Variants in DSCAML1 observed in about 807,000 individuals in gnomAD.
The protein encoded by DSCAML1 is cell adhesion molecule DSCAML1.
Under a neutral mutation model 200.5 loss-of-function variants are expected in DSCAML1, and 38 were observed. The ratio of observed to expected loss-of-function variants is 0.19; its 90% confidence interval spans 0.15 to 0.25. The LOEUF is 0.25. Among genes scored for constraint, DSCAML1 ranks in the 10% least tolerant of loss-of-function variants. The pLI, the probability that DSCAML1 is intolerant of heterozygous loss-of-function variation, is 1.00. For missense variants in DSCAML1, 2,223 were observed against 2,858.8 expected, an observed-to-expected ratio of 0.78 and a Z score of 5.07; for synonymous variants, 1,215 against 1,165.0, an observed-to-expected ratio of 1.04 and a Z score of -0.87.
intron 3 of DSCAML1, among the ~76,000 whole-genome samples, chr11:117,725,818 C>G (rs1303021523): frequency 6.7e-6 from 1 of 150,254 alleles, no homozygotes; most frequent in Non-Finnish European, 1.5e-5. Flanking sequence ...CAAAACAAAA[C>G]AAAACAAAAC....
chr11:117,632,688 A>G (rs2052199793), intron 3 of DSCAML1, among the ~76,000 whole-genome samples: 1 of 152,214 alleles, frequency 6.6e-6, no homozygotes, highest in Admixed American at 6.5e-5. Context: ...AGGGGAATGA[A>G]TGCAAGAATT....
chr11:117,652,423 T>C (rs933210892), intron 3 of DSCAML1, among the ~76,000 whole-genome samples: 3 of 152,196 alleles, frequency 2.0e-5, no homozygotes, highest in Non-Finnish European at 4.4e-5. Context: ...CACCACGCCA[T>C]GCCCTTGAAT....
At chr11:117,478,440 T>C (rs1447722000) in intron 14 of DSCAML1, among the ~76,000 whole-genome samples, 1 of 152,162 alleles carries the variant, frequency 6.6e-6, no homozygotes, top group Non-Finnish European at 1.5e-5. Flanking sequence ...CAGTCAGCCC[T>C]TTTGTCCCCT....
At chr11:117,718,668 A>AAC (rs1491277934) in intron 3 of DSCAML1, among the ~76,000 whole-genome samples, 31 of 25,836 alleles carry the variant, frequency 1.2e-3, no homozygotes, top group Non-Finnish European at 1.4e-3. Context: ...AATACTCAAA[A>AAC]CCCCCCCCCC....
Position 117,521,141 on chromosome 11 carries a change from A to G in DSCAML1, c.1202T>C (p.Ile401Thr). ...KAQTAQDFAI[I>T]ALEDGTPRIV... ...GCGCCCCAGCTCACCCTCAAGTGCA[A>G]TGATGGCAAAGTCCTGGGCGGTCTG... The change falls in exon 6 of 33, where the codon ATT (isoleucine) becomes ACT (threonine). Residue 401 changes from isoleucine to threonine, a missense_variant. Physicochemically the swap from Ile to Thr is moderately conservative, Grantham distance 89 (BLOSUM62 -1). Around this residue, in one of 7 missense-constraint regions of DSCAML1, gnomAD observed 579 missense variants for 721.5 expected, o/e 0.80. Transcript: ENST00000651296. The G allele has an allele frequency of 6.2e-7, 1 of 1,612,384 alleles. No homozygotes were observed. Among genetic ancestry groups the G allele is most frequent in the South Asian group, 1.1e-5 (1 of 91,054 alleles).
At chr11:117,808,089 C>T (rs527362343) in intron 1 of DSCAML1, among the ~76,000 whole-genome samples, 183 of 152,242 alleles carry the variant, frequency 1.2e-3, no homozygotes, top group African/African-American at 3.1e-3. Flanking sequence ...CAAAGTGGTG[C>T]GATTACAGGC....
At chr11:117,528,454 C>T (rs1353258852) in intron 4 of DSCAML1, among the ~76,000 whole-genome samples, 1 of 152,198 alleles carries the variant, frequency 6.6e-6, no homozygotes, top group East Asian at 1.9e-4. Flanking sequence ...GGACTGGGTG[C>T]TCCTAGCACT....
At chr11:117,607,993 C>T (rs1282571051) in intron 3 of DSCAML1, among the ~76,000 whole-genome samples, 2 of 152,212 alleles carry the variant, frequency 1.3e-5, no homozygotes, top group Non-Finnish European at 1.5e-5. Flanking sequence ...CTTGAGACCT[C>T]CTCTCTCCAC....
chr11:117,635,096 G>A (rs2052251363), intron 3 of DSCAML1, among the ~76,000 whole-genome samples: 1 of 152,238 alleles, frequency 6.6e-6, no homozygotes, highest in Admixed American at 6.5e-5. Flanking sequence ...AAAGATGGAT[G>A]CGCAGCCCCT....
intron 3 of DSCAML1, among the ~76,000 whole-genome samples, chr11:117,641,159 G>A (rs1394368291): frequency 6.6e-6 from 1 of 152,232 alleles, no homozygotes; most frequent in African/African-American, 2.4e-5. Context: ...AGCCAAGTAC[G>A]CTGGGTCTGA....
At chr11:117,633,406 T>G (rs551978859) in intron 3 of DSCAML1, among the ~76,000 whole-genome samples, 1 of 152,298 alleles carries the variant, frequency 6.6e-6, no homozygotes, top group South Asian at 2.1e-4. Flanking sequence ...CAGCCTTTGC[T>G]CCCTGTCAAC....
rs181278191 is a variant in DSCAML1 at position 117,456,399 on chromosome 11, A to T, written c.3568+2355T>A. ...CAACAAAAAGCTTCCTAACAGACAC[A>T]AGTAGTTTGATGGAAAGGATAAAGT... is the stretch of plus-strand genomic sequence containing the variant. On this transcript the variant is annotated intron_variant, in intron 19 of 32. Transcript: ENST00000651296. Among the ~76,000 whole-genome samples the T allele has an allele frequency of 2.3e-4, 35 of 152,320 alleles. No homozygotes were observed. In the East Asian group the frequency reaches 6.7e-3, roughly 29 times the overall value.
chr11:117,653,841 A>T (rs2052681622), intron 3 of DSCAML1, among the ~76,000 whole-genome samples: 1 of 152,210 alleles, frequency 6.6e-6, no homozygotes, highest in Non-Finnish European at 1.5e-5. Flanking sequence ...TGCAGCTGGA[A>T]TATTATTTGG....
intron 1 of DSCAML1, among the ~76,000 whole-genome samples, chr11:117,803,070 G>C (rs551774395): frequency 6.6e-6 from 1 of 151,576 alleles, no homozygotes; most frequent in Admixed American, 6.6e-5. Flanking sequence ...ATTTTGGGGG[G>C]ATCTGACTCT....
chr11:117,466,663 T>C (rs1479999828), intron 16 of DSCAML1, among the ~76,000 whole-genome samples: 1 of 151,750 alleles, frequency 6.6e-6, no homozygotes, highest in Non-Finnish European at 1.5e-5. Flanking sequence ...ATCGACAGAG[T>C]GAGACTCTGT....
intron 3 of DSCAML1, among the ~76,000 whole-genome samples, chr11:117,618,002 T>C (rs4936389): frequency 0.55 from 83,955 of 151,916 alleles, 23,634 homozygotes; most frequent in Admixed American, 0.66. Flanking sequence ...TCTATAATAA[T>C]GTCTCTCTCT....
chr11:117,630,658 C>CCCA (rs372432882), intron 3 of DSCAML1, among the ~76,000 whole-genome samples: 5 of 45,560 alleles, frequency 1.1e-4, no homozygotes, highest in African/African-American at 3.9e-4. Flanking sequence ...ATAAAGTGGC[C>CCCA]AAAAAAAAAA....
intron 3 of DSCAML1, among the ~76,000 whole-genome samples, chr11:117,599,367 T>C (rs2051422284): frequency 6.6e-6 from 1 of 152,216 alleles, no homozygotes; most frequent in Non-Finnish European, 1.5e-5. Flanking sequence ...TGGCTTCTCC[T>C]AATCATAGTT....
intron 21 of DSCAML1, 109 bp downstream of exon 21, chr11:117,443,777 G>T: frequency 6.9e-7 from 1 of 1,445,380 alleles, no homozygotes; most frequent in Non-Finnish European, 9.2e-7. Context: ...CTCACAGCTG[G>T]GTGGCAGATA....
Sources: allele counts gnomAD v4.1 joint callset (sites outside exome capture counted in the v4.1 genomes callset), GRCh38; gene constraint gnomAD v4.1.1; regional missense constraint gnomAD v4.1.1; transcripts MANE v1.5; gene names NCBI Gene and HGNC (gene_info 2026-07-23, HGNC 2026-07-21).